The following AFG1L variants were observed in gnomAD, a reference collection of about 807,000 sequenced individuals.
AFG1L encodes the protein AFG1-like ATPase.
A neutral mutation model predicts 62.2 loss-of-function variants in AFG1L; 53 were observed. That is an observed-to-expected ratio of 0.85 (90% confidence interval 0.68 to 1.07). The LOEUF is 1.07. Among genes scored for constraint, AFG1L ranks in the 50% least tolerant of loss-of-function variants. The pLI is 0.00. For missense variants in AFG1L, 555 were observed against 590.5 expected, an observed-to-expected ratio of 0.94 and a Z score of 0.62; for synonymous variants, 228 against 210.3, an observed-to-expected ratio of 1.08 and a Z score of -0.73.
At chr6:108,399,951 G>A (rs1487385385) in intron 6 of AFG1L, among the ~76,000 whole-genome samples, 1 of 151,390 alleles carries the variant, frequency 6.6e-6, no homozygotes, top group Non-Finnish European at 1.5e-5. Flanking sequence ...GCTAATTTTT[G>A]TATTTTTTGT....
intron 6 of AFG1L, among the ~76,000 whole-genome samples, chr6:108,370,596 G>A (rs1354707404): frequency 6.6e-6 from 1 of 152,112 alleles, no homozygotes; most frequent in Non-Finnish European, 1.5e-5. Flanking sequence ...CCAGGTACAA[G>A]GTGATGGCAA....
At chr6:108,468,855 T>TTAG (rs2114795891) in intron 8 of AFG1L, among the ~76,000 whole-genome samples, 1 of 152,102 alleles carries the variant, frequency 6.6e-6, no homozygotes, top group East Asian at 1.9e-4. Context: ...GCAGTCCTAT[T>TTAG]TAGAGCTCTT....
In AFG1L at chr6:108,440,884, A is replaced by C. The variant is rs550979955; in HGVS notation, c.808-6330A>C. Among the ~76,000 whole-genome samples, 102 of 152,304 alleles carry C rather than the reference A, an allele frequency of 6.7e-4. No individual in the cohort carries two copies. The Middle Eastern group carries it at 0.01, about 15-fold the overall frequency. ...TTTCTTTTTTGTTGTTTACTCATTA[A>C]AAATTTATAAAATAAATTAGTTGAC... On this transcript the variant is annotated intron_variant, in intron 7 of 12. Transcript: ENST00000368977.
Position 108,357,754 on chromosome 6 carries a change from G to A in AFG1L, c.648+934G>A, listed in dbSNP as rs960892322. 4.6e-5 allele frequency among the ~76,000 whole-genome samples: 7 copies of A among 152,260 alleles called. No individual in the cohort carries two copies. The South Asian group carries it at 1.5e-3, about 32-fold the overall frequency. On this transcript the variant is annotated intron_variant, in intron 5 of 12. Coordinates refer to ENST00000368977, the MANE Select transcript of AFG1L (RefSeq NM_145315.5). ...TCTCTGAAATTATGCGTTTAAATTG[G>A]TAGTGAGTTATTTCCTGTTCTTCTG...
chr6:108,335,534 A>T (rs1778444667), intron 2 of AFG1L, among the ~76,000 whole-genome samples: 1 of 152,238 alleles, frequency 6.6e-6, no homozygotes, highest in African/African-American at 2.4e-5. Flanking sequence ...AACCCTGAAG[A>T]TGCCTGGAAG....
intron 1 of AFG1L, among the ~76,000 whole-genome samples, chr6:108,303,716 C>T (rs1433302015): frequency 1.3e-5 from 2 of 152,138 alleles, no homozygotes; most frequent in African/African-American, 4.8e-5. Flanking sequence ...ATAGTCGTTC[C>T]TCCATTTCTT....
At chr6:108,370,037 G>C (rs1484562562) in intron 6 of AFG1L, among the ~76,000 whole-genome samples, 2 of 152,034 alleles carry the variant, frequency 1.3e-5, no homozygotes, top group African/African-American at 4.8e-5. Context: ...CTGGCAGAGG[G>C]TTGAGGCAAA....
intron 6 of AFG1L, among the ~76,000 whole-genome samples, chr6:108,397,750 AT>A (rs1488652300): frequency 1.3e-5 from 2 of 152,112 alleles, no homozygotes; most frequent in African/African-American, 2.4e-5. Context: ...ACTTAACCCA[AT>A]GACCTCCAGT....
intron 7 of AFG1L, among the ~76,000 whole-genome samples, chr6:108,413,193 G>C (rs544961613): frequency 6.6e-6 from 1 of 152,232 alleles, no homozygotes; most frequent in African/African-American, 2.4e-5. Flanking sequence ...ATGGTAAAGG[G>C]ATCAATTCAA....
At chr6:108,411,755 A>G (rs988868276) in intron 7 of AFG1L, among the ~76,000 whole-genome samples, 4 of 152,340 alleles carry the variant, frequency 2.6e-5, no homozygotes, top group South Asian at 2.1e-4. Context: ...CCCCATCTGT[A>G]TGTTGCCATC....
chr6:108,444,460 A>G lies in AFG1L; in HGVS notation c.808-2754A>G, dbSNP rs118016664. On this transcript the variant is annotated intron_variant, in intron 7 of 12. Coordinates refer to ENST00000368977, the MANE Select transcript of AFG1L (RefSeq NM_145315.5). ...AAGATAATGTTGAAGGTTGCTATAT[A>G]GATTGACTCTTCCTTTCACAAAAGG... 8.3e-3 allele frequency among the ~76,000 whole-genome samples: 1,263 copies of G among 152,310 alleles called. 11 individuals are homozygous for G. Among genetic ancestry groups the G allele is most frequent in the Non-Finnish European group, 0.012 (818 of 68,030 alleles).
intron 7 of AFG1L, among the ~76,000 whole-genome samples, chr6:108,414,613 C>G (rs142099075): frequency 2.2e-3 from 330 of 152,240 alleles, no homozygotes; most frequent in African/African-American, 7.3e-3. Flanking sequence ...AAGGCTGGTT[C>G]AACATACACA....
intron 7 of AFG1L, among the ~76,000 whole-genome samples, chr6:108,437,949 T>C (rs941537808): frequency 1.3e-5 from 2 of 152,152 alleles, no homozygotes; most frequent in African/African-American, 4.8e-5. Flanking sequence ...TGGCCTCTTT[T>C]TGGATGCACT....
Position 108,441,492 on chromosome 6 carries a change from A to G in AFG1L, c.808-5722A>G, listed in dbSNP as rs1189130109. On this transcript the variant is annotated intron_variant, in intron 7 of 12. Coordinates refer to ENST00000368977, the MANE Select transcript of AFG1L (RefSeq NM_145315.5). ...TAAAATAAATTTTGTTTGCTGGCTGATTAGTGTTGTATATTAGAATTGGAT... is the reference window on the plus strand; with the variant it reads ...TAAAATAAATTTTGTTTGCTGGCTGGTTAGTGTTGTATATTAGAATTGGAT... 2.6e-5 allele frequency among the ~76,000 whole-genome samples: 4 copies of G among 151,812 alleles called. No homozygotes were observed. The East Asian group carries it at 7.7e-4, about 29-fold the overall frequency.
rs183846744 is a variant in AFG1L at position 108,458,612 on chromosome 6, G to T, written c.890+11316G>T. ...TATAGACACACACCACCATGCTGCG[G>T]GGGTTTCTTTTTTATATCTTCTTTG... On this transcript the variant is annotated intron_variant, in intron 8 of 12. Transcript: ENST00000368977. Among the ~76,000 whole-genome samples, 51 of 152,046 alleles carry T rather than the reference G, an allele frequency of 3.4e-4. No individual in the cohort carries two copies. The East Asian group carries it at 9.4e-3, about 28-fold the overall frequency.
At position 108,465,295 on chromosome 6, in the gene AFG1L, T is replaced by C. The variant is rs145547603; in HGVS notation, c.891-11570T>C. The stretch of plus-strand genomic sequence containing the variant: ...AGTGCCGTCTTCATGCTGTGGTCTT[T>C]CCATACAACTACTGTTGACTACCAG... On this transcript the variant is annotated intron_variant, in intron 8 of 12. Coordinates refer to ENST00000368977, the MANE Select transcript of AFG1L (RefSeq NM_145315.5). 2.9e-3 allele frequency among the ~76,000 whole-genome samples: 442 copies of C among 152,346 alleles called. 2 individuals are homozygous for C. The highest frequency in any genetic ancestry group is 0.01 in the African/African-American group (416 of 41,574).
At chr6:108,351,810 A>G (rs1336097397) in intron 3 of AFG1L, among the ~76,000 whole-genome samples, 1 of 152,196 alleles carries the variant, frequency 6.6e-6, no homozygotes, top group Non-Finnish European at 1.5e-5. Context: ...ACATTGTTGT[A>G]CAACTATTAC....
chr6:108,397,709 G>T (rs537848101), intron 6 of AFG1L, among the ~76,000 whole-genome samples: 4 of 152,172 alleles, frequency 2.6e-5, no homozygotes, highest in East Asian at 3.9e-4. Context: ...GAGAATATGC[G>T]ATGTTTGTCT....
intron 7 of AFG1L, among the ~76,000 whole-genome samples, chr6:108,418,161 T>C (rs898710246): frequency 6.6e-6 from 1 of 152,208 alleles, no homozygotes; most frequent in African/African-American, 2.4e-5. Flanking sequence ...TTAAAGGCAT[T>C]CATTTTACCC....
Sources: allele counts gnomAD v4.1 joint callset (sites outside exome capture counted in the v4.1 genomes callset), GRCh38; gene constraint gnomAD v4.1.1; transcripts MANE v1.5; gene names NCBI Gene and HGNC (gene_info 2026-07-23, HGNC 2026-07-21).